Variants in VWF observed in about 807,000 individuals in gnomAD.
VWF encodes the protein Factor VIII related antigen.
Under a neutral mutation model 308.6 loss-of-function variants are expected in VWF, and 176 were observed. The ratio of observed to expected loss-of-function variants is 0.57; its 90% CI spans 0.50 to 0.65. The LOEUF (loss-of-function observed/expected upper bound fraction) is 0.65, where lower values mean the gene tolerates loss of function less well. Among genes scored for constraint, VWF ranks in the 30% least tolerant of loss-of-function variants. VWF has a pLI of 0.00. For missense variants in VWF, 3,146 were observed against 3,648.2 expected, an observed-to-expected ratio of 0.86 and a Z score of 3.55; for synonymous variants, 1,385 against 1,443.4, an observed-to-expected ratio of 0.96 and a Z score of 0.92.
intron 47 of VWF, among the ~76,000 whole-genome samples, chr12:5,958,348 G>C (rs11063955): frequency 0.43 from 66,129 of 152,046 alleles, 15,660 homozygotes; most frequent in African/African-American, 0.61. Flanking sequence ...GAAGAAAGAT[G>C]TAATAGACAA....
intron 49 of VWF, 30 bp downstream of exon 49, chr12:5,952,361 A>C (rs199783423): frequency 2.6e-4 from 418 of 1,613,184 alleles, no homozygotes; most frequent in Middle Eastern, 4.9e-4. Context: ...AGATTGAGAC[A>C]GTAAAGAGGA....
intron 47 of VWF, among the ~76,000 whole-genome samples, chr12:5,961,542 A>C (rs1327182417): frequency 2.0e-5 from 3 of 150,722 alleles, no homozygotes; most frequent in African/African-American, 7.3e-5. Flanking sequence ...CTTTATTTGA[A>C]GGTGTCATAA....
chr12:6,097,384 C>G (rs1304602525), intron 5 of VWF, among the ~76,000 whole-genome samples: 2 of 152,092 alleles, frequency 1.3e-5, no homozygotes, highest in Non-Finnish European at 2.9e-5. Flanking sequence ...CTACAGTGAG[C>G]CGAGAATGCA....
In VWF at chr12:6,088,579, G is replaced by A. The variant is rs368208023; in HGVS notation, c.657+6881C>T. ...GATGCAGCCCAAGCCCAGCCCCCCG[G>A]AGCCTTGGGCTTCCTGTTGCAGACA... On this transcript the variant is annotated intron_variant, in intron 6 of 51. Transcript: ENST00000261405. Among the ~76,000 whole-genome samples the A allele has an allele frequency of 4.6e-3, 695 of 152,176 alleles. 4 individuals are homozygous for A. The highest frequency in any genetic ancestry group is 0.015 in the African/African-American group (637 of 41,506).
intron 13 of VWF, among the ~76,000 whole-genome samples, chr12:6,062,695 C>A (rs762753550): frequency 1.3e-5 from 2 of 152,140 alleles, no homozygotes; most frequent in African/African-American, 4.8e-5. Flanking sequence ...CCTTCCCCAG[C>A]CCCACAAGAG....
At position 6,057,069 on chromosome 12, in the gene VWF, C is replaced by T. The variant is rs1844035515; in HGVS notation, c.1733G>A (p.Arg578Lys). Reference sequence around the variant, plus strand: ...GACCGCGCACGCCTCCTCGGAGAACCTGGCTGTGGGGCGAGAGGAGCGAGC... The same window carrying T: ...GACCGCGCACGCCTCCTCGGAGAACTTGGCTGTGGGGCGAGAGGAGCGAGC... ...DPCALNPRMT[R>K]FSEEACAVLT... The change falls in exon 15 of 52, where the codon AGG (arginine) becomes AAG (lysine). Residue 578 changes from arginine (R) to lysine (K), a missense_variant. Arg to Lys is a conservative substitution (Grantham distance 26, BLOSUM62 2). Coordinates refer to ENST00000261405, the MANE Select transcript of VWF (RefSeq NM_000552.5). The T allele has an allele frequency of 1.3e-6, 2 of 1,537,826 alleles. No homozygotes were observed. The highest frequency in any genetic ancestry group is 1.7e-6 in the Non-Finnish European group (2 of 1,148,166).
chr12:6,046,632 G>A lies in VWF; in HGVS notation c.2281+91C>T. 7.8e-7 allele frequency: 1 copy of A among 1,280,490 alleles called. No homozygotes were observed. The highest frequency in any genetic ancestry group is 1.2e-5 in the South Asian group (1 of 84,008). 79.3% of individuals were successfully genotyped at this position (1,280,490 alleles called of 1,614,324 possible). A position where few individuals can be genotyped will look rare whatever the true frequency, so the allele number is the denominator to read the frequency against. On this transcript the variant is annotated intron_variant, in intron 17 of 51. Coordinates refer to ENST00000261405, the MANE Select transcript of VWF (RefSeq NM_000552.5). The surrounding 1 kb of genome is among the most constrained non-coding windows in gnomAD (Gnocchi z 5.0). ...CATGCCTGGGTGCACACGCACATCT[G>A]ACGGTGTCACCCAGCTCTCTCCCGC...
Position 6,019,179 on chromosome 12 carries a change from C to A in VWF, c.4239G>T (p.Pro1413=). Residue 1413 remains proline, a synonymous_variant, in exon 28 of 52, where the codon CCG becomes CCT. Transcript: ENST00000261405. This position sits in a 1 kb window ranked among gnomAD's most constrained non-coding sequence, Gnocchi z 5.8. The part of the protein sequence containing the change: ...GLKKKKVIVI[P]VGIGPHANLK... ...GGTTGGCATGGGGCCCAATGCCCAC[C>A]GGGATCACAATGACCTTCTTCTTCT... The A allele has an allele frequency of 6.2e-7, 1 of 1,613,946 alleles. No individual in the cohort carries two copies. Among genetic ancestry groups the A allele is most frequent in the Non-Finnish European group, 8.5e-7 (1 of 1,179,870 alleles).
intron 47 of VWF, 72 bp downstream of exon 47, chr12:5,967,414 C>T: frequency 8.8e-7 from 1 of 1,142,040 alleles, no homozygotes; most frequent in Non-Finnish European, 1.3e-6. Flanking sequence ...TTAAAGACCG[C>T]AGTGAGGTCC....
chr12:6,010,582 G>A (rs1943982816), intron 34 of VWF, among the ~76,000 whole-genome samples: 1 of 152,188 alleles, frequency 6.6e-6, no homozygotes, highest in Non-Finnish European at 1.5e-5. Flanking sequence ...TTGCAGCATT[G>A]CTTGTCATTA....
chr12:5,976,105 A>T lies in VWF; in HGVS notation c.7437+6T>A. 6.2e-7 allele frequency: 1 copy of T among 1,613,008 alleles called. No individual in the cohort carries two copies. Among genetic ancestry groups the T allele is most frequent in the Non-Finnish European group, 8.5e-7 (1 of 1,179,900 alleles). On this transcript the variant is annotated splice_donor_region_variant and intron_variant, in intron 43 of 51. Transcript: ENST00000261405. ...TGCAGGCATGCCCAGCCCCTGCCCC[A>T]CTCACCGACCGACAGCTGTCCTCAC...
At position 6,121,203 on chromosome 12, in the gene VWF, C is replaced by T; in HGVS notation, c.191G>A (p.Gly64Asp). 1.9e-6 allele frequency: 3 copies of T among 1,614,160 alleles called. No individual in the cohort carries two copies. Among genetic ancestry groups the T allele is most frequent in the East Asian group, 4.5e-5 (2 of 44,884 alleles). Reference sequence around the variant, plus strand: ...AATCGAGAAGGAGCGTTTCTGGCAGCCCCCTGCCAGGAGGTAACTGCAGTA... The same window carrying T: ...AATCGAGAAGGAGCGTTTCTGGCAGTCCCCTGCCAGGAGGTAACTGCAGTA... ...AGYCSYLLAGGCQKRSFSIIG... is the reference protein window; with the variant it reads ...AGYCSYLLAGDCQKRSFSIIG... Residue 64 changes from glycine to aspartate, a missense_variant, in exon 3 of 52, where the codon GGC becomes GAC. This residue lies in a region of VWF where 1,304 missense variants were observed against 1,353.0 expected (regional missense o/e 0.96). Coordinates refer to ENST00000261405, the MANE Select transcript of VWF (RefSeq NM_000552.5).
intron 40 of VWF, among the ~76,000 whole-genome samples, chr12:5,983,472 GATAGATACATAC>G (rs1048673461): frequency 2.0e-5 from 3 of 147,492 alleles, no homozygotes; most frequent in Admixed American, 6.8e-5. Context: ...TTGATAGATA[GATAGATACATAC>G]ATACATACAT....
Position 6,020,226 on chromosome 12 carries a change from A to G in VWF, c.3675-483T>C, listed in dbSNP as rs1240523223. Among the ~76,000 whole-genome samples, 1 of 152,244 alleles carries G rather than the reference A, an allele frequency of 6.6e-6. No individual in the cohort carries two copies. ...CAGTACATATTCTAACAGAATGTAA[A>G]TTGCATGAGTTTTAAAACATGTTTG... On this transcript the variant is annotated intron_variant, in intron 27 of 51. Transcript: ENST00000261405. This position sits in a 1 kb window ranked among gnomAD's most constrained non-coding sequence, Gnocchi z 4.3.
chr12:6,052,646 T>G lies in VWF; in HGVS notation c.2083A>C (p.Met695Leu), dbSNP rs1389091775. ...EGCFCPPGLY[M>L]DERGDCVPKA... Reference sequence around the variant, plus strand: ...GGCACGCAGTCCCCCCTCTCATCCATGTAGAGCCCTGGGGGGCAGAAGCAG... The same window carrying G: ...GGCACGCAGTCCCCCCTCTCATCCAGGTAGAGCCCTGGGGGGCAGAAGCAG... The change falls in exon 16 of 52, where the codon ATG becomes CTG. Residue 695 changes from methionine (M) to leucine (L), a missense_variant. Met to Leu is a conservative substitution (Grantham distance 15). Coordinates refer to ENST00000261405, the MANE Select transcript of VWF (RefSeq NM_000552.5). 2 of 1,614,110 alleles carry G rather than the reference T, an allele frequency of 1.2e-6. No homozygotes were observed. The highest frequency in any genetic ancestry group is 1.7e-5 in the Admixed American group (1 of 60,010).
intron 21 of VWF, among the ~76,000 whole-genome samples, chr12:6,030,526 C>A (rs11609728): frequency 0.19 from 29,242 of 152,090 alleles, 3,209 homozygotes; most frequent in Non-Finnish European, 0.25. Flanking sequence ...GTCAAAGCAG[C>A]GGATCCAAAA....
At chr12:6,029,278 T>A (rs1944230188) in intron 22 of VWF, 64 bp downstream of exon 22, 2 of 1,607,898 alleles carry the variant, frequency 1.2e-6, no homozygotes, top group Admixed American at 1.7e-5. Flanking sequence ...AGACCTACGA[T>A]CAGGGAGCAG....
intron 34 of VWF, among the ~76,000 whole-genome samples, chr12:5,998,874 A>G (rs921376126): frequency 6.6e-6 from 1 of 152,108 alleles, no homozygotes; most frequent in Non-Finnish European, 1.5e-5. Context: ...GATTACAGGC[A>G]TGCGCCACCA....
intron 34 of VWF, among the ~76,000 whole-genome samples, chr12:6,010,268 T>C (rs1372060747): frequency 6.6e-6 from 1 of 152,172 alleles, no homozygotes; most frequent in East Asian, 1.9e-4. Flanking sequence ...TCAAGTACAC[T>C]GAGATACTAT....
Sources: gnomAD v4.1 joint callset for allele counts (sites outside exome capture counted in the v4.1 genomes callset) on GRCh38, gnomAD v4.1.1 for gene constraint, gnomAD v4.1.1 regional missense constraint, Gnocchi (gnomAD v3.1) non-coding constraint, MANE v1.5 for transcripts, NCBI Gene and HGNC (gene_info 2026-07-23, HGNC 2026-07-21) for gene names.